GALNT14: variants seen among roughly 807,000 people sequenced by gnomAD.
GALNT14 encodes the protein polypeptide N-acetylgalactosaminyltransferase 14.
GALNT14 carries 60 observed loss-of-function variants against 77.5 expected under a neutral mutation model. That is an observed-to-expected ratio of 0.77 (90% CI 0.63 to 0.96). The LOEUF (loss-of-function observed/expected upper bound fraction) is 0.96. GALNT14 is among the 40% of genes least tolerant of loss of function. The probability of loss-of-function intolerance (pLI) is 0.00; values close to 1 mark genes in which losing one functional copy is unlikely to be tolerated. For missense variants in GALNT14, 710 were observed against 731.0 expected (o/e 0.97, Z 0.33); for synonymous variants, 280 against 281.7 (o/e 0.99, Z 0.06).
intron 13 of GALNT14, among the ~76,000 whole-genome samples, chr2:30,922,285 T>C (rs1193431148): frequency 6.6e-6 from 1 of 152,154 alleles, no homozygotes; most frequent in African/African-American, 2.4e-5. Context: ...TCTCCTGAGA[T>C]CTCATAGCAT....
chr2:31,051,456 A>G (rs535327285), intron 1 of GALNT14, among the ~76,000 whole-genome samples: 1 of 152,336 alleles, frequency 6.6e-6, no homozygotes, highest in Non-Finnish European at 1.5e-5. Flanking sequence ...AGGCTGCAAC[A>G]CAGAACCCCT....
intron 1 of GALNT14, among the ~76,000 whole-genome samples, chr2:31,018,478 T>G (rs2148455604): frequency 6.6e-6 from 1 of 152,234 alleles, no homozygotes; most frequent in South Asian, 2.1e-4. Flanking sequence ...GAAAAGCCCC[T>G]TATAAAACCA....
the GALNT14 span, among the ~76,000 whole-genome samples, chr2:30,904,540 C>T: frequency 6.2e-4 from 94 of 152,358 alleles, 1 homozygote; most frequent in African/African-American, 1.9e-3. Flanking sequence ...TTATATCCCA[C>T]ACCTGGCTTG....
intron 1 of GALNT14, among the ~76,000 whole-genome samples, chr2:31,058,363 G>C (rs1475280142): frequency 6.6e-6 from 1 of 152,144 alleles, no homozygotes; most frequent in African/African-American, 2.4e-5. Context: ...AGGGTGCCTG[G>C]TAAGGGCGTT....
chr2:30,947,575 G>A (rs776435033), intron 6 of GALNT14, among the ~76,000 whole-genome samples: 6 of 152,120 alleles, frequency 3.9e-5, no homozygotes, highest in African/African-American at 1.2e-4. Context: ...TGTGAACACC[G>A]AAACTTTTGG....
chr2:31,103,823 T>G (rs1677413512), intron 1 of GALNT14, among the ~76,000 whole-genome samples: 1 of 152,108 alleles, frequency 6.6e-6, no homozygotes, highest in South Asian at 2.1e-4. Context: ...TTACTTTTAG[T>G]TTTAGTTTAG....
chr2:31,018,706 G>C (rs1477814790), intron 1 of GALNT14, among the ~76,000 whole-genome samples: 1 of 152,136 alleles, frequency 6.6e-6, no homozygotes, highest in Non-Finnish European at 1.5e-5. Context: ...GGAAAAGTGA[G>C]GGCTTCTGGG....
intron 1 of GALNT14, among the ~76,000 whole-genome samples, chr2:31,071,863 C>T (rs545704282): frequency 1.3e-5 from 2 of 152,176 alleles, no homozygotes; most frequent in African/African-American, 4.8e-5. Context: ...TTAAGAATTT[C>T]AAGACAGCAA....
intron 1 of GALNT14, among the ~76,000 whole-genome samples, chr2:31,025,655 GT>G (rs1672001639): frequency 6.6e-6 from 1 of 152,186 alleles, no homozygotes; most frequent in Non-Finnish European, 1.5e-5. Context: ...GAAAGCATCT[GT>G]AACATGAAAG....
At chr2:30,953,322 T>G (rs1315200111) in intron 6 of GALNT14, among the ~76,000 whole-genome samples, 1 of 149,666 alleles carries the variant, frequency 6.7e-6, no homozygotes, top group East Asian at 1.9e-4. Flanking sequence ...TTTTTTTTTT[T>G]TTTTGAGAGA....
chr2:31,069,094 T>C (rs1675177135), intron 1 of GALNT14, among the ~76,000 whole-genome samples: 2 of 152,208 alleles, frequency 1.3e-5, no homozygotes, highest in African/African-American at 4.8e-5. Context: ...TGTATAACCC[T>C]GAGAATACAC....
chr2:31,004,889 G>A (rs370950217), intron 1 of GALNT14, among the ~76,000 whole-genome samples: 2 of 152,190 alleles, frequency 1.3e-5, no homozygotes, highest in East Asian at 3.9e-4. Context: ...ATTTTCAAGA[G>A]GCCCTCTGAA....
intron 4 of GALNT14, 123 bp from the exon 5 acceptor site, chr2:30,956,100 C>A: frequency 1.1e-6 from 1 of 885,520 alleles, no homozygotes; most frequent in Non-Finnish European, 1.9e-6. Context: ...CCCCTAACTG[C>A]AGAGTGCAGT....
chr2:30,944,919 G>A lies in GALNT14; in HGVS notation c.766C>T (p.Gln256Ter). ...TGCTCTGGGGAGAGCTGCTCCCACT[G>A]GAAGTGGAGGCTCCAGTCAAACCCT... ...RGGFDWSLHFQWEQLSPEQKA... is the reference protein window; with the variant it reads ...RGGFDWSLHF The change falls in exon 8 of 15, where the codon CAG becomes TAG. Residue 256 changes from glutamine to a stop codon, truncating the protein, a stop_gained. Transcript: ENST00000349752. LOFTEE classifies it high-confidence loss of function. 6.2e-7 allele frequency: 1 copy of A among 1,610,532 alleles called. No homozygotes were observed. Among genetic ancestry groups the A allele is most frequent in the South Asian group, 1.1e-5 (1 of 90,618 alleles).
intron 13 of GALNT14, among the ~76,000 whole-genome samples, chr2:30,914,648 G>A (rs1055240759): frequency 2.6e-5 from 4 of 152,108 alleles, no homozygotes; most frequent in East Asian, 1.9e-4. Context: ...AGCCTGAGCC[G>A]CCCCGCCTTT....
chr2:30,911,177 G>T, intron 14 of GALNT14, 118 bp from the exon 15 acceptor site: 1 of 884,972 alleles, frequency 1.1e-6, no homozygotes, highest in Non-Finnish European at 1.7e-6. Context: ...TGATTTCATG[G>T]TTTCATAAGC....
chr2:30,988,019 G>C (rs892932120), intron 2 of GALNT14, among the ~76,000 whole-genome samples: 2 of 152,132 alleles, frequency 1.3e-5, no homozygotes, highest in African/African-American at 4.8e-5. Context: ...TTAACTCAGA[G>C]TCTATTCTCC....
intron 1 of GALNT14, among the ~76,000 whole-genome samples, chr2:31,127,791 C>G (rs756930243): frequency 3.9e-5 from 6 of 152,142 alleles, no homozygotes; most frequent in African/African-American, 7.2e-5. Context: ...AGTTTTAAGA[C>G]AGGCAGGGAG....
intron 6 of GALNT14, among the ~76,000 whole-genome samples, chr2:30,953,593 C>A (rs1306298748): frequency 1.3e-5 from 2 of 152,212 alleles, no homozygotes; most frequent in Non-Finnish European, 2.9e-5. Flanking sequence ...TAGGCATGCG[C>A]CACCGCACCC....
Sources: gnomAD v4.1 joint callset for allele counts (sites outside exome capture counted in the v4.1 genomes callset) on GRCh38, gnomAD v4.1.1 for gene constraint, MANE v1.5 for transcripts, NCBI Gene and HGNC (gene_info 2026-07-23, HGNC 2026-07-21) for gene names.